Variants in EXOSC10 observed in about 807,000 individuals in gnomAD.
EXOSC10 encodes exosome complex component 10.
In EXOSC10, 94 loss-of-function variants were observed where a neutral mutation model predicts 126.6. The ratio of observed to expected loss-of-function variants is 0.74; its 90% CI spans 0.63 to 0.88. The LOEUF (loss-of-function observed/expected upper bound fraction) is 0.88, where lower values mean the gene tolerates loss of function less well. EXOSC10 is among the 40% of genes least tolerant of loss of function. The pLI is 0.00. For missense variants in EXOSC10, 1,041 were observed against 1,100.5 expected (o/e 0.95, Z 0.77); for synonymous variants, 395 against 400.8 (o/e 0.99, Z 0.17).
At chr1:11,091,306 G>GACCTT in intron 4 of EXOSC10, 127 bp from the exon 5 acceptor site, 1 of 1,039,190 alleles carries the variant, frequency 9.6e-7, no homozygotes, top group Non-Finnish European at 1.4e-6. Context: ...AAGAATGTAT[G>GACCTT]TGCATGTAGA....
Position 11,069,620 on chromosome 1 carries a change from C to T in EXOSC10, c.2427G>A (p.Glu809=). ...AAGGCGTAAACTCTTTTTCTGGTGG[C>T]TCTGGGTCCTTTGGCTTCTTGGAAA... The part of the protein sequence containing the change: ...LKISKKPKDP[E]PPEKEFTPYD... The change falls in exon 22 of 25, where the codon GAG becomes GAA. Residue 809 remains glutamate (E), a synonymous_variant. Coordinates refer to ENST00000376936, the MANE Select transcript of EXOSC10 (RefSeq NM_001001998.3). 6.2e-7 allele frequency: 1 copy of T among 1,614,202 alleles called. No individual in the cohort carries two copies. Among genetic ancestry groups the T allele is most frequent in the Non-Finnish European group, 8.5e-7 (1 of 1,180,046 alleles).
Position 11,072,179 on chromosome 1 carries a change from G to T in EXOSC10, c.2158-8C>A. 1.2e-6 allele frequency: 2 copies of T among 1,601,894 alleles called. No individual in the cohort carries two copies. Among genetic ancestry groups the T allele is most frequent in the Non-Finnish European group, 1.7e-6 (2 of 1,173,244 alleles). ...CTTCCAGCGGTTGCTGATCTATAAT[G>T]AAAGCAAATATAACAAAAAAAACCC... On this transcript the variant is annotated splice_region_variant and splice_polypyrimidine_tract_variant and intron_variant, in intron 19 of 24. Coordinates refer to ENST00000376936, the MANE Select transcript of EXOSC10 (RefSeq NM_001001998.3).
intron 20 of EXOSC10, 189 bp from the exon 21 acceptor site, chr1:11,071,162 A>G: frequency 1.7e-6 from 1 of 583,416 alleles, no homozygotes; most frequent in Non-Finnish European, 3.0e-6. Flanking sequence ...TGCTCTGCCC[A>G]CCTTCAGCTA....
intron 17 of EXOSC10, among the ~76,000 whole-genome samples, chr1:11,075,216 A>C (rs961484721): frequency 6.6e-6 from 1 of 151,870 alleles, no homozygotes; most frequent in Non-Finnish European, 1.5e-5. Flanking sequence ...ACAGGGTTTC[A>C]CCATGTTGGC....
At chr1:11,085,597 T>C (rs1026706618) in intron 9 of EXOSC10, among the ~76,000 whole-genome samples, 14 of 152,296 alleles carry the variant, frequency 9.2e-5, no homozygotes, top group East Asian at 7.7e-4. Flanking sequence ...CTTTGCCTAA[T>C]TGAATACCCT....
At chr1:11,091,200 T>C (rs1366669312) in intron 4 of EXOSC10, 21 bp from the exon 5 acceptor site, 1 of 1,605,262 alleles carries the variant, frequency 6.2e-7, no homozygotes, top group East Asian at 2.2e-5. Flanking sequence ...TGAATACAAA[T>C]ACTTTATAAC....
intron 17 of EXOSC10, 22 bp from the exon 18 acceptor site, chr1:11,074,348 GATCACTAATGACC>G (rs767357024): frequency 6.7e-6 from 10 of 1,503,510 alleles, no homozygotes; most frequent in Non-Finnish European, 9.3e-6. Flanking sequence ...GACAAAAAAC[GATCACTAATGACC>G]ATGATCATCT....
chr1:11,077,450 TAA>T lies in EXOSC10; in HGVS notation c.1801-9_1801-8del. On this transcript the variant is annotated splice_region_variant and splice_polypyrimidine_tract_variant and intron_variant, in intron 15 of 24. Transcript: ENST00000376936. ...AGAGAACATTCTCCAATCTCTGCAT[TAA>T]AAGACACCAGCAGGCTGGCATGTAA... 6 of 1,612,964 alleles carry T rather than the reference TAA, an allele frequency of 3.7e-6. No homozygotes were observed. Among genetic ancestry groups the T allele is most frequent in the Non-Finnish European group, 5.1e-6 (6 of 1,178,974 alleles).
intron 9 of EXOSC10, among the ~76,000 whole-genome samples, chr1:11,083,777 C>G (rs1409565415): frequency 3.3e-5 from 5 of 152,272 alleles, no homozygotes; most frequent in East Asian, 1.9e-4. Flanking sequence ...TCCCTCCCCC[C>G]TTTCCCCACC....
chr1:11,079,647 GC>G, intron 14 of EXOSC10, 63 bp downstream of exon 14: 1 of 1,372,292 alleles, frequency 7.3e-7, no homozygotes, highest in African/African-American at 1.4e-5. Context: ...AGCCACCTCA[GC>G]CTCCCAAAGT....
chr1:11,067,989 A>G lies in EXOSC10; in HGVS notation c.2627+19T>C. The G allele has an allele frequency of 6.2e-7, 1 of 1,612,398 alleles. No individual in the cohort carries two copies. The highest frequency in any genetic ancestry group is 1.3e-5 in the African/African-American group (1 of 74,952). On this transcript the variant is annotated intron_variant, in intron 24 of 24. Coordinates refer to ENST00000376936, the MANE Select transcript of EXOSC10 (RefSeq NM_001001998.3). ...TTTCTCACTGGGCTCCCTGGGCCACACCGCCGTCCACCACATACCTGTCTG... is the reference window on the plus strand; with the variant it reads ...TTTCTCACTGGGCTCCCTGGGCCACGCCGCCGTCCACCACATACCTGTCTG...
intron 6 of EXOSC10, 27 bp from the exon 7 acceptor site, chr1:11,088,225 T>C (rs745697622): frequency 5.2e-6 from 8 of 1,532,064 alleles, no homozygotes; most frequent in Non-Finnish European, 6.3e-6. Context: ...AAAAGAGAAA[T>C]CATTCTGATT....
rs544135616 is a variant in EXOSC10 at position 11,080,794 on chromosome 1, T to A, written c.1556A>T (p.Lys519Ile). The change falls in exon 12 of 25, where the codon AAA becomes ATA. Residue 519 changes from lysine to isoleucine, a missense_variant. This residue lies in a region of EXOSC10 where 645 missense variants were observed against 656.3 expected (regional missense o/e 0.98). Transcript: ENST00000376936. Reference sequence around the variant, plus strand: ...ACTTTCATCTTCCCTGCGAGCTGTTTTATCCCTCCAGGCAAACAGCAGCTG... The same window carrying A: ...ACTTTCATCTTCCCTGCGAGCTGTTATATCCCTCCAGGCAAACAGCAGCTG... ...AFQLLFAWRD[K>I]TARREDESYG... 7 of 1,614,198 alleles carry A rather than the reference T, an allele frequency of 4.3e-6. No homozygotes were observed. The African/African-American group carries it at 9.3e-5, about 22-fold the overall frequency.
intron 14 of EXOSC10, among the ~76,000 whole-genome samples, chr1:11,078,194 A>G (rs1016564170): frequency 6.6e-6 from 1 of 151,896 alleles, no homozygotes; most frequent in African/African-American, 2.4e-5. Flanking sequence ...AGCCTAGCAG[A>G]TGCGAGGCTA....
chr1:11,099,729 AG>A lies in EXOSC10; in HGVS notation c.102del (p.Phe35LeufsTer2). 6.2e-7 allele frequency: 1 copy of A among 1,608,280 alleles called. No homozygotes were observed. Among genetic ancestry groups the A allele is most frequent in the Non-Finnish European group, 8.5e-7 (1 of 1,177,470 alleles). ...AGGCCCCGCGAACTCACCTTCACAA[AG>A]CTGTCGGCGTCCGGGAAGCCTGGCA... is the stretch of plus-strand genomic sequence containing the variant. ...MVLPGFPDAD[S>X]FVKFALGSVV... On this transcript the variant is annotated frameshift_variant, in exon 1 of 25. Transcript: ENST00000376936. LOFTEE classifies it high-confidence loss of function.
At chr1:11,079,656 A>G in intron 14 of EXOSC10, 55 bp downstream of exon 14, 2 of 1,450,268 alleles carry the variant, frequency 1.4e-6, no homozygotes, top group Non-Finnish European at 1.9e-6. Flanking sequence ...AGCCTCCCAA[A>G]GTGCTGAGAT....
At chr1:11,097,182 C>A (rs1570867623) in intron 2 of EXOSC10, among the ~76,000 whole-genome samples, 1 of 151,902 alleles carries the variant, frequency 6.6e-6, no homozygotes, top group East Asian at 1.9e-4. Flanking sequence ...TGCACTTCAG[C>A]CTGGGCGACA....
chr1:11,081,755 G>A (rs1185717965), intron 10 of EXOSC10, among the ~76,000 whole-genome samples: 1 of 152,172 alleles, frequency 6.6e-6, no homozygotes, highest in Non-Finnish European at 1.5e-5. Context: ...GATTTTATCA[G>A]TCCAAATGTA....
intron 19 of EXOSC10, chr1:11,072,410 A>T: frequency 2.3e-6 from 1 of 440,858 alleles, no homozygotes; most frequent in Non-Finnish European, 4.1e-6. Context: ...ATCTCATTCA[A>T]TCCCTCTGTA....
Sources: gnomAD v4.1 joint callset for allele counts (sites outside exome capture counted in the v4.1 genomes callset) on GRCh38, gnomAD v4.1.1 for gene constraint, gnomAD v4.1.1 regional missense constraint, MANE v1.5 for transcripts, NCBI Gene and HGNC (gene_info 2026-07-23, HGNC 2026-07-21) for gene names.